Variants in PNPLA6 observed in about 807,000 individuals in gnomAD.
The protein encoded by PNPLA6 is patatin-like phospholipase domain-containing protein 6.
Under a neutral mutation model 153.7 loss-of-function variants are expected in PNPLA6, and 105 were observed. That is an observed-to-expected ratio of 0.68 (90% CI 0.58 to 0.80). The LOEUF (loss-of-function observed/expected upper bound fraction) is 0.80, where lower values mean the gene tolerates loss of function less well. Ranked by LOEUF, PNPLA6 falls within the 30% of genes least tolerant of loss-of-function variation. The pLI, the probability that PNPLA6 is intolerant of heterozygous loss-of-function variation, is 0.00. For missense variants in PNPLA6, 1,423 were observed against 1,919.3 expected, an observed-to-expected ratio of 0.74 and a Z score of 4.83; for synonymous variants, 825 against 822.2, an observed-to-expected ratio of 1.00 and a Z score of -0.06.
chr19:7,536,121 C>A, intron 1 of PNPLA6, 70 bp from the exon 2 acceptor site: 3 of 1,534,386 alleles, frequency 2.0e-6, no homozygotes, highest in Non-Finnish European at 2.7e-6. Context: ...CGTCTGTTCG[C>A]GGTACCCCAG....
chr19:7,545,255 G>T (rs2023339061), intron 13 of PNPLA6, among the ~76,000 whole-genome samples: 1 of 152,040 alleles, frequency 6.6e-6, no homozygotes, highest in South Asian at 2.1e-4. Flanking sequence ...TCAAACTCCT[G>T]GCCTCAAGTG....
At chr19:7,549,807 C>T in intron 13 of PNPLA6, 100 bp from the exon 14 acceptor site, 1 of 1,209,226 alleles carries the variant, frequency 8.3e-7, no homozygotes, top group Non-Finnish European at 1.2e-6. Context: ...TTTCTTAACC[C>T]TTCCTTTCTT....
chr19:7,557,942 A>G lies in PNPLA6; in HGVS notation c.3397+658A>G, dbSNP rs563753221. ...CAACACTCGTGTGCACACCAGCTAT[A>G]TATGCACATGCTTTCTCTCAGGGGC... On this transcript the variant is annotated intron_variant, in intron 27 of 31. Coordinates refer to ENST00000600737, the MANE Select transcript of PNPLA6 (RefSeq NM_001166114.2). Among the ~76,000 whole-genome samples, 4 of 152,352 alleles carry G rather than the reference A, an allele frequency of 2.6e-5. No homozygotes were observed. The South Asian group carries it at 8.3e-4, about 32-fold the overall frequency.
rs1469432622 is a variant in PNPLA6 at position 7,540,337 on chromosome 19, A to C, written c.714+29A>C. 6 of 1,590,484 alleles carry C rather than the reference A, an allele frequency of 3.8e-6. No homozygotes were observed. Among genetic ancestry groups the C allele is most frequent in the Non-Finnish European group, 5.1e-6 (6 of 1,170,880 alleles). ...AGTGGGCCTCCCCAGGGGCTGCTGC[A>C]GGAGGATGGGTGGTGGGGATGGGCA... On this transcript the variant is annotated intron_variant, in intron 5 of 31. Coordinates refer to ENST00000600737, the MANE Select transcript of PNPLA6 (RefSeq NM_001166114.2). This position sits in a 1 kb window ranked among gnomAD's most constrained non-coding sequence, Gnocchi z 6.8.
intron 10 of PNPLA6, among the ~76,000 whole-genome samples, chr19:7,542,349 T>C (rs960184297): frequency 1.3e-5 from 2 of 152,120 alleles, no homozygotes; most frequent in African/African-American, 4.8e-5. Context: ...TACTCTCATC[T>C]TTTTCTTTTC....
intron 3 of PNPLA6, among the ~76,000 whole-genome samples, chr19:7,537,862 G>T (rs765862919): frequency 6.6e-6 from 1 of 152,026 alleles, no homozygotes; most frequent in South Asian, 2.1e-4. Flanking sequence ...GGATGGTCTC[G>T]ATCTCTTGAC....
rs1273903129 is a variant in PNPLA6, at chr19:7,546,417, C to T, written c.1608+3333C>T. Among the ~76,000 whole-genome samples the T allele has an allele frequency of 4.6e-5, 7 of 152,050 alleles. No homozygotes were observed. In the East Asian group the frequency reaches 1.4e-3, roughly 29 times the overall value. On this transcript the variant is annotated intron_variant, in intron 13 of 31. Transcript: ENST00000600737. ...GCCGCGGCGGGAGGATCTCTTGAGT[C>T]CAGGAGTTCGAGACCAGCCTGGGCA...
In PNPLA6 at chr19:7,550,502, T is replaced by C. The variant is rs1296396230; in HGVS notation, c.1947-15T>C. ...TGGGGGTGGTCAGACCTTGCTGACC[T>C]CCACGCCCACTCAGGCAGGGCGACC... On this transcript the variant is annotated splice_polypyrimidine_tract_variant and intron_variant, in intron 15 of 31. Transcript: ENST00000600737. 6.2e-7 allele frequency: 1 copy of C among 1,612,898 alleles called. No homozygotes were observed. The highest frequency in any genetic ancestry group is 2.2e-5 in the East Asian group (1 of 44,866).
intron 19 of PNPLA6, 43 bp downstream of exon 19, chr19:7,554,058 G>A (rs1568418912): frequency 1.2e-6 from 2 of 1,605,096 alleles, no homozygotes; most frequent in Non-Finnish European, 1.7e-6. Flanking sequence ...GCGGTGGGTG[G>A]GACATTAGTG....
At position 7,536,234 on chromosome 19, in the gene PNPLA6, G is replaced by A. The variant is rs2022863295; in HGVS notation, c.276G>A (p.Arg92=). 1 of 1,613,984 alleles carries A rather than the reference G, an allele frequency of 6.2e-7. No homozygotes were observed. ...PDGPRYRFRK[R]DKVLFYGRKI... ...GCCCCCGGTATCGGTTCCGGAAGAGGGACAAAGTGCTCTTCTATGGCCGGA... is the reference window on the plus strand; with the variant it reads ...GCCCCCGGTATCGGTTCCGGAAGAGAGACAAAGTGCTCTTCTATGGCCGGA... Residue 92 remains arginine (R), a synonymous_variant, in exon 2 of 32, where the codon AGG becomes AGA. Transcript: ENST00000600737.
chr19:7,542,652 C>G lies in PNPLA6; in HGVS notation c.1344C>G (p.Ser448=). Residue 448 remains serine, a synonymous_variant, in exon 11 of 32, where the codon TCC becomes TCG. Coordinates refer to ENST00000600737, the MANE Select transcript of PNPLA6 (RefSeq NM_001166114.2). ...VSLQEEASGG[S]LAAPARTPTQ... is the part of the protein sequence containing the mutation. ...TGCAGGAAGAGGCCTCCGGGGGGTC[C>G]CTGGCAGCCCCCGCTCGGGTAAGGC... is the stretch of plus-strand genomic sequence containing the variant. 1 of 1,613,170 alleles carries G rather than the reference C, an allele frequency of 6.2e-7. No individual in the cohort carries two copies. Among genetic ancestry groups the G allele is most frequent in the African/African-American group, 1.3e-5 (1 of 75,056 alleles).
intron 13 of PNPLA6, among the ~76,000 whole-genome samples, chr19:7,545,153 C>A (rs541971766): frequency 6.6e-6 from 1 of 152,004 alleles, no homozygotes; most frequent in East Asian, 1.9e-4. Context: ...CAGCCTCCCT[C>A]GAAGCTGGGA....
intron 20 of PNPLA6, 106 bp from the exon 21 acceptor site, chr19:7,554,444 TGGTGG>T: frequency 7.4e-7 from 1 of 1,355,086 alleles, no homozygotes. Flanking sequence ...CGGACTTCCG[TGGTGG>T]GGGTTTGGGT....
In PNPLA6 at chr19:7,540,713, G is replaced by A. The variant is rs375930477; in HGVS notation, c.795+3G>A. 122 of 1,612,072 alleles carry A rather than the reference G, an allele frequency of 7.6e-5. No individual in the cohort carries two copies. The African/African-American group carries it at 1.3e-3, about 17-fold the overall frequency. ...TCAGCATCCTGGATGTCATCACCGT[G>A]AGTGACCAGTTTCTGAGGCAGGGGG... On this transcript the variant is annotated splice_donor_region_variant and intron_variant, in intron 6 of 31. Transcript: ENST00000600737. This position sits in a 1 kb window ranked among gnomAD's most constrained non-coding sequence, Gnocchi z 6.8.
chr19:7,550,701 A>G, intron 16 of PNPLA6, 61 bp downstream of exon 16: 1 of 1,588,882 alleles, frequency 6.3e-7, no homozygotes, highest in African/African-American at 1.3e-5. Flanking sequence ...TCGACAACTC[A>G]CACACATCAT....
chr19:7,552,394 C>T (rs2023688991), intron 18 of PNPLA6, among the ~76,000 whole-genome samples: 1 of 152,170 alleles, frequency 6.6e-6, no homozygotes, highest in African/African-American at 2.4e-5. Context: ...GGGTTCTACC[C>T]AATTGGCCCT....
intron 13 of PNPLA6, among the ~76,000 whole-genome samples, chr19:7,548,993 G>T (rs2023519219): frequency 6.6e-6 from 1 of 150,928 alleles, no homozygotes; most frequent in Non-Finnish European, 1.5e-5. Flanking sequence ...TAGTAGAGAC[G>T]TGGTTTCACC....
Position 7,542,780 on chromosome 19 carries a change from G to C in PNPLA6, c.1382G>C (p.Arg461Pro). The change falls in exon 12 of 32, where the codon CGT (arginine) becomes CCT (proline). Residue 461 changes from arginine to proline, a missense_variant. Physicochemically the swap from Arg to Pro is moderately radical, Grantham distance 103. Coordinates refer to ENST00000600737, the MANE Select transcript of PNPLA6 (RefSeq NM_001166114.2). Reference protein sequence around the residue: ...APARTPTQEPREQPAGACEYS... With the variant: ...APARTPTQEPPEQPAGACEYS... The stretch of plus-strand genomic sequence containing the variant: ...ACTCAGACCCCCACTCAGGAGCCTC[G>C]TGAGCAGCCGGCAGGCGCCTGTGAA... The C allele has an allele frequency of 6.2e-7, 1 of 1,613,046 alleles. No homozygotes were observed. Among genetic ancestry groups the C allele is most frequent in the South Asian group, 1.1e-5 (1 of 91,088 alleles).
intron 13 of PNPLA6, among the ~76,000 whole-genome samples, chr19:7,544,055 C>T (rs367570562): frequency 1.4e-4 from 21 of 151,840 alleles, no homozygotes; most frequent in African/African-American, 4.8e-4. Flanking sequence ...CCTCGTGATC[C>T]GCCCGCCTAG....
Sources: allele counts gnomAD v4.1 joint callset (sites outside exome capture counted in the v4.1 genomes callset), GRCh38; gene constraint gnomAD v4.1.1; non-coding constraint Gnocchi (gnomAD v3.1); transcripts MANE v1.5; gene names NCBI Gene and HGNC (gene_info 2026-07-23, HGNC 2026-07-21).